Variants in SLC25A21 observed in about 807,000 individuals in gnomAD.
SLC25A21 encodes the protein mitochondrial 2-oxodicarboxylate carrier.
A neutral mutation model predicts 43.8 loss-of-function variants in SLC25A21; 47 were observed. The observed-to-expected ratio is 1.07, with a 90% CI of 0.85 to 1.37. The LOEUF (loss-of-function observed/expected upper bound fraction) is 1.37, where lower values mean the gene tolerates loss of function less well. Ranked by LOEUF, SLC25A21 falls within the 40% of genes most tolerant of loss-of-function variation. The pLI is 0.00. For synonymous variants in SLC25A21, 131 were observed against 121.3 expected, an observed-to-expected ratio of 1.08 and a Z score of -0.52; for missense variants, 352 against 350.2, an observed-to-expected ratio of 1.00 and a Z score of -0.04.
chr14:36,736,533 G>T (rs1345107984), intron 3 of SLC25A21, among the ~76,000 whole-genome samples: 1 of 152,136 alleles, frequency 6.6e-6, no homozygotes, highest in East Asian at 1.9e-4. Flanking sequence ...TTCTTGAACA[G>T]AAGTTCTATA....
intron 3 of SLC25A21, among the ~76,000 whole-genome samples, chr14:36,778,572 T>C (rs1020602394): frequency 6.6e-6 from 1 of 151,986 alleles, no homozygotes; most frequent in Non-Finnish European, 1.5e-5. Flanking sequence ...AGGGTGGGGG[T>C]GAGGAGATGG....
intron 1 of SLC25A21, among the ~76,000 whole-genome samples, chr14:37,098,778 C>CAGATAGATAGATAGATAGAT (rs1465755836): frequency 1.3e-4 from 15 of 115,430 alleles, no homozygotes; most frequent in African/African-American, 5.3e-4. Flanking sequence ...GACAGACAGA[C>CAGATAGATAGATAGATAGAT]AGACAGACAG....
chr14:36,779,529 A>G (rs1886965212), intron 3 of SLC25A21, among the ~76,000 whole-genome samples: 2 of 141,494 alleles, frequency 1.4e-5, no homozygotes, highest in African/African-American at 5.0e-5. Context: ...ACATATTCCT[A>G]TATATAAGAA....
chr14:37,095,300 T>C (rs1775430987), intron 1 of SLC25A21, among the ~76,000 whole-genome samples: 1 of 152,152 alleles, frequency 6.6e-6, no homozygotes, highest in Non-Finnish European at 1.5e-5. Context: ...GGTCCATCAC[T>C]TGAGGTCAGG....
chr14:36,821,355 T>A (rs1026983334), intron 2 of SLC25A21, among the ~76,000 whole-genome samples: 4 of 152,188 alleles, frequency 2.6e-5, no homozygotes, highest in Non-Finnish European at 5.9e-5. Context: ...GAAGATAGTT[T>A]TTTTTAGCAA....
At chr14:37,151,033 CTCT>C (rs1324211422) in intron 1 of SLC25A21, among the ~76,000 whole-genome samples, 3 of 152,034 alleles carry the variant, frequency 2.0e-5, no homozygotes, top group Admixed American at 6.6e-5. Context: ...CTCTCTCTCT[CTCT>C]CTTTCTCTTC....
chr14:37,049,516 G>T (rs571232903), intron 1 of SLC25A21, among the ~76,000 whole-genome samples: 1 of 152,166 alleles, frequency 6.6e-6, no homozygotes, highest in East Asian at 1.9e-4. Context: ...AGGCTGCAGT[G>T]AGCTGTGATC....
chr14:36,756,609 G>A (rs1885940335), intron 3 of SLC25A21, among the ~76,000 whole-genome samples: 1 of 152,152 alleles, frequency 6.6e-6, no homozygotes, highest in African/African-American at 2.4e-5. Flanking sequence ...GCACCCTTGG[G>A]CCTTCCTCCC....
intron 1 of SLC25A21, among the ~76,000 whole-genome samples, chr14:37,067,633 G>A (rs2138820722): frequency 6.6e-6 from 1 of 152,264 alleles, no homozygotes; most frequent in East Asian, 1.9e-4. Context: ...AAATATATGA[G>A]AGGACTCCAT....
chr14:37,062,333 G>A (rs1961964915), intron 1 of SLC25A21, among the ~76,000 whole-genome samples: 1 of 152,176 alleles, frequency 6.6e-6, no homozygotes, highest in Non-Finnish European at 1.5e-5. Context: ...TCTCACAGAA[G>A]AGTTGTGAGA....
At chr14:36,996,478 C>T (rs1408553086) in intron 1 of SLC25A21, among the ~76,000 whole-genome samples, 1 of 152,164 alleles carries the variant, frequency 6.6e-6, no homozygotes, top group Non-Finnish European at 1.5e-5. Flanking sequence ...CTTTGTGTGC[C>T]TCAAATCCTC....
intron 1 of SLC25A21, among the ~76,000 whole-genome samples, chr14:37,059,892 A>G (rs1961907785): frequency 1.3e-5 from 2 of 152,180 alleles, no homozygotes; most frequent in South Asian, 4.1e-4. Context: ...ACTCCAGCAG[A>G]GGGCTGAGTA....
At chr14:36,783,889 C>T (rs1887159150) in intron 3 of SLC25A21, among the ~76,000 whole-genome samples, 1 of 152,146 alleles carries the variant, frequency 6.6e-6, no homozygotes, top group Non-Finnish European at 1.5e-5. Context: ...TCAGGAACTA[C>T]ATTCTGTGTT....
intron 1 of SLC25A21, among the ~76,000 whole-genome samples, chr14:37,162,489 C>T (rs1226880144): frequency 1.5e-5 from 1 of 67,862 alleles, no homozygotes; most frequent in East Asian, 4.6e-4. Context: ...AGGACATGAA[C>T]AGACACTTCT....
intron 2 of SLC25A21, among the ~76,000 whole-genome samples, chr14:36,815,164 A>T (rs712343): frequency 0.96 from 146,651 of 152,154 alleles, 70,917 homozygotes; most frequent in East Asian, 1. Context: ...CACCAGGGCC[A>T]GTTGGCGGCT....
intron 1 of SLC25A21, among the ~76,000 whole-genome samples, chr14:36,880,263 C>T (rs1154121): frequency 0.31 from 47,824 of 152,014 alleles, 8,394 homozygotes; most frequent in South Asian, 0.43. Flanking sequence ...CCATGTTAGA[C>T]AACAAGGTAA....
intron 1 of SLC25A21, among the ~76,000 whole-genome samples, chr14:36,913,252 A>T (rs1029703278): frequency 1.3e-5 from 2 of 152,154 alleles, no homozygotes; most frequent in Non-Finnish European, 2.9e-5. Flanking sequence ...GGAGGAAAAA[A>T]ATTCCTTAAA....
chr14:36,982,552 G>A (rs1388617944), intron 1 of SLC25A21, among the ~76,000 whole-genome samples: 10 of 151,928 alleles, frequency 6.6e-5, no homozygotes, highest in African/African-American at 1.2e-4. Flanking sequence ...GCTGTACCGG[G>A]TGCAGTAATC....
At chr14:37,101,309 G>A (rs567957871) in intron 1 of SLC25A21, among the ~76,000 whole-genome samples, 4 of 151,654 alleles carry the variant, frequency 2.6e-5, no homozygotes, top group African/African-American at 7.3e-5. Flanking sequence ...ATGTGACTCC[G>A]TGAGCACACA....
Sources: gnomAD v4.1 joint callset for allele counts (sites outside exome capture counted in the v4.1 genomes callset) on GRCh38, gnomAD v4.1.1 for gene constraint, MANE v1.5 for transcripts, NCBI Gene and HGNC (gene_info 2026-07-23, HGNC 2026-07-21) for gene names.